MARK3: variants seen among roughly 807,000 people sequenced by gnomAD.
MARK3 encodes MAP/microtubule affinity-regulating kinase 3.
Under a neutral mutation model 90.1 loss-of-function variants are expected in MARK3, and 46 were observed. That is an observed-to-expected ratio of 0.51 (90% CI 0.40 to 0.65). MARK3 has a LOEUF of 0.65. Among genes scored for constraint, MARK3 ranks in the 30% least tolerant of loss-of-function variants. MARK3 has a pLI of 0.00. For synonymous variants in MARK3, 321 were observed against 332.6 expected, an observed-to-expected ratio of 0.97 and a Z score of 0.38; for missense variants, 818 against 947.2, an observed-to-expected ratio of 0.86 and a Z score of 1.79.
intron 3 of MARK3, among the ~76,000 whole-genome samples, chr14:103,440,524 C>T (rs1015038445): frequency 6.6e-6 from 1 of 152,120 alleles, no homozygotes; most frequent in Admixed American, 6.6e-5. Context: ...TGCTTGAACC[C>T]GGGAGGTGGA....
intron 1 of MARK3, among the ~76,000 whole-genome samples, chr14:103,387,802 T>C (rs1464822197): frequency 6.6e-6 from 1 of 152,170 alleles, no homozygotes; most frequent in Non-Finnish European, 1.5e-5. Context: ...TGATTAGTTT[T>C]GATCATTGAT....
At chr14:103,433,599 C>A (rs546194228) in intron 3 of MARK3, among the ~76,000 whole-genome samples, 5 of 151,994 alleles carry the variant, frequency 3.3e-5, no homozygotes, top group African/African-American at 1.2e-4. Flanking sequence ...GCACAAGAAT[C>A]GCTTGAACCT....
At chr14:103,425,215 C>T (rs10145990) in intron 2 of MARK3, among the ~76,000 whole-genome samples, 7,132 of 151,596 alleles carry the variant, frequency 0.047, 594 homozygotes, top group African/African-American at 0.17. Flanking sequence ...GCTGAGACTA[C>T]AGGCGTGAGC....
At chr14:103,450,961 A>C (rs28369539) in intron 4 of MARK3, among the ~76,000 whole-genome samples, 1 of 99,134 alleles carries the variant, frequency 1.0e-5, no homozygotes, top group African/African-American at 3.7e-5. Flanking sequence ...GACAGGGTCT[A>C]GCTCTGTTGT....
chr14:103,430,171 G>A (rs1328730557), intron 3 of MARK3, among the ~76,000 whole-genome samples: 3 of 152,086 alleles, frequency 2.0e-5, no homozygotes, highest in Non-Finnish European at 4.4e-5. Flanking sequence ...TATTATTCAA[G>A]TATGAACCAT....
intron 13 of MARK3, among the ~76,000 whole-genome samples, chr14:103,479,930 G>A (rs958811216): frequency 2.0e-5 from 3 of 152,048 alleles, no homozygotes; most frequent in Admixed American, 1.3e-4. Context: ...GTGAGCTACC[G>A]CGCCCAGCCG....
chr14:103,468,314 C>CTTCTTTTTTTTTTTT (rs1555395510), intron 12 of MARK3, 128 bp downstream of exon 12: 1 of 113,946 alleles, frequency 8.8e-6, no homozygotes, highest in African/African-American at 5.7e-5. Flanking sequence ...TTTCTTTCTT[C>CTTCTTTTTTTTTTTT]TTTTTTTTTT....
chr14:103,462,531 C>A lies in MARK3; in HGVS notation c.540+70C>A, dbSNP rs146650991. The stretch of plus-strand genomic sequence containing the variant: ...TGCAGTTCTCTCAGTGGTCATTACA[C>A]AAATGAGGTATAGATTAGCCTTATT... On this transcript the variant is annotated intron_variant, in intron 7 of 17. Coordinates refer to ENST00000429436, the MANE Select transcript of MARK3 (RefSeq NM_001128918.3). The A allele has an allele frequency of 3.2e-5, 37 of 1,164,024 alleles. 1 individual carries two copies. The Middle Eastern group carries it at 6.1e-4, about 19-fold the overall frequency. 72.1% of individuals were successfully genotyped at this position (1,164,024 alleles called of 1,614,324 possible).
At chr14:103,431,666 C>A (rs539852151) in intron 3 of MARK3, among the ~76,000 whole-genome samples, 42 of 152,266 alleles carry the variant, frequency 2.8e-4, no homozygotes, top group African/African-American at 9.4e-4. Context: ...AGTTAGCCAA[C>A]CTTGAGCACA....
chr14:103,460,384 C>G (rs1043611628), intron 6 of MARK3, among the ~76,000 whole-genome samples: 1 of 152,058 alleles, frequency 6.6e-6, no homozygotes, highest in East Asian at 1.9e-4. Flanking sequence ...GCGCCCGGCA[C>G]AGCTCCATCT....
chr14:103,427,648 A>T (rs930493943), intron 2 of MARK3, among the ~76,000 whole-genome samples: 1 of 152,074 alleles, frequency 6.6e-6, no homozygotes, highest in South Asian at 2.1e-4. Context: ...AAGGGCAGAG[A>T]TTTCCTGGAA....
chr14:103,430,339 C>G (rs1037225526), intron 3 of MARK3, among the ~76,000 whole-genome samples: 1 of 152,048 alleles, frequency 6.6e-6, no homozygotes, highest in African/African-American at 2.4e-5. Context: ...GTTTCCAATT[C>G]TTTTTCACCA....
At chr14:103,425,249 A>ATTAT (rs71460674) in intron 2 of MARK3, among the ~76,000 whole-genome samples, 26,516 of 146,594 alleles carry the variant, frequency 0.18, 2,541 homozygotes, top group Middle Eastern at 0.26. Flanking sequence ...CTATTTATTT[A>ATTAT]TTATTTATTT....
At chr14:103,464,206 C>T (rs578110815) in intron 7 of MARK3, among the ~76,000 whole-genome samples, 1 of 150,826 alleles carries the variant, frequency 6.6e-6, no homozygotes, top group African/African-American at 2.4e-5. Flanking sequence ...TCTTGTTCAT[C>T]ATTATCCATC....
At chr14:103,387,221 A>G (rs533661967) in intron 1 of MARK3, among the ~76,000 whole-genome samples, 223 of 152,318 alleles carry the variant, frequency 1.5e-3, no homozygotes, top group Non-Finnish European at 2.6e-3. Flanking sequence ...TTGATCTTCA[A>G]AAATGCCGCT....
At chr14:103,487,739 GTA>G (rs2093954206) in intron 14 of MARK3, among the ~76,000 whole-genome samples, 1 of 152,096 alleles carries the variant, frequency 6.6e-6, no homozygotes, top group Non-Finnish European at 1.5e-5. Flanking sequence ...GTATTTAGCT[GTA>G]TCTTGTTAGA....
Position 103,475,132 on chromosome 14 carries a change from C to G in MARK3, c.1404C>G (p.Ala468=). ...SAVGGKGIAP[A]SPMLGNASNP... ...TTGGAGGAAAGGGAATTGCTCCAGCCAGTCCCATGCTTGGGAATGCAAGTA... is the reference window on the plus strand; with the variant it reads ...TTGGAGGAAAGGGAATTGCTCCAGCGAGTCCCATGCTTGGGAATGCAAGTA... Residue 468 remains alanine (A), a synonymous_variant, in exon 13 of 18, where the codon GCC becomes GCG. Transcript: ENST00000429436. The G allele has an allele frequency of 6.2e-7, 1 of 1,614,132 alleles. No individual in the cohort carries two copies. The highest frequency in any genetic ancestry group is 8.5e-7 in the Non-Finnish European group (1 of 1,180,010).
At chr14:103,451,892 C>A in intron 4 of MARK3, 26 bp from the exon 5 acceptor site, 1 of 1,561,956 alleles carries the variant, frequency 6.4e-7, no homozygotes, top group Non-Finnish European at 8.7e-7. Flanking sequence ...GTCTCTTTTT[C>A]TTCCGTGTCC....
intron 1 of MARK3, among the ~76,000 whole-genome samples, chr14:103,391,754 C>T (rs1175220414): frequency 1.6e-5 from 2 of 123,434 alleles, no homozygotes; most frequent in African/African-American, 3.3e-5. Context: ...GATGGGGTTT[C>T]GCCATGTTGG....
Sources: allele counts gnomAD v4.1 joint callset (sites outside exome capture counted in the v4.1 genomes callset), GRCh38; gene constraint gnomAD v4.1.1; transcripts MANE v1.5; gene names NCBI Gene and HGNC (gene_info 2026-07-23, HGNC 2026-07-21).